Variants in ANO4 observed in about 807,000 individuals in gnomAD.
The protein encoded by ANO4 is anoctamin 4.
A neutral mutation model predicts 141.9 loss-of-function variants in ANO4; 69 were observed. The ratio of observed to expected loss-of-function variants is 0.49; its 90% CI spans 0.40 to 0.59. The LOEUF (loss-of-function observed/expected upper bound fraction) is 0.59, where lower values mean the gene tolerates loss of function less well. ANO4 is among the 20% of genes least tolerant of loss of function. The pLI, the probability that ANO4 is intolerant of heterozygous loss-of-function variation, is 0.00. For synonymous variants in ANO4, 350 were observed against 394.3 expected, an observed-to-expected ratio of 0.89 and a Z score of 1.33; for missense variants, 894 against 1,162.2, an observed-to-expected ratio of 0.77 and a Z score of 3.36.
chr12:101,014,622 C>T (rs1260753497), intron 8 of ANO4, among the ~76,000 whole-genome samples: 2 of 152,168 alleles, frequency 1.3e-5, no homozygotes, highest in Admixed American at 6.5e-5. Context: ...CTGAATTCCT[C>T]CTTGCCACTT....
intron 14 of ANO4, among the ~76,000 whole-genome samples, chr12:101,049,549 G>A (rs1396305904): frequency 6.6e-6 from 1 of 150,512 alleles, no homozygotes; most frequent in Non-Finnish European, 1.5e-5. Context: ...GTGGGTCAAT[G>A]GATAGATAGG....
intron 24 of ANO4, among the ~76,000 whole-genome samples, chr12:101,113,415 C>A (rs1349959551): frequency 6.6e-6 from 1 of 152,112 alleles, no homozygotes; most frequent in East Asian, 1.9e-4. Context: ...TATCTCATAG[C>A]CTCCTTGTAT....
At chr12:100,872,788 T>G (rs967775659) in intron 1 of ANO4, among the ~76,000 whole-genome samples, 8 of 152,196 alleles carry the variant, frequency 5.3e-5, no homozygotes, top group Non-Finnish European at 8.8e-5. Context: ...TAATCCAATG[T>G]TTTCCTGAGG....
At chr12:100,890,548 T>A (rs373706770) in intron 1 of ANO4, among the ~76,000 whole-genome samples, 1 of 152,218 alleles carries the variant, frequency 6.6e-6, no homozygotes, top group Non-Finnish European at 1.5e-5. Context: ...TCAAATGATC[T>A]GATTGCGAAT....
At position 101,068,534 on chromosome 12, in the gene ANO4, C is replaced by T. The variant is rs1337830110; in HGVS notation, c.1313-10659C>T. The T allele has an allele frequency of 3.4e-6, 4 of 1,193,926 alleles. No homozygotes were observed. The African/African-American group carries it at 6.0e-5, about 18-fold the overall frequency. The allele number at this position is 1,193,926 out of a possible 1,614,324, so 74.0% of individuals were successfully genotyped here. ...TATTTTCCTGGAATATGATCAGGATCTAAGTGTTAGGTGGAAAAATACTAA... is the reference window on the plus strand; with the variant it reads ...TATTTTCCTGGAATATGATCAGGATTTAAGTGTTAGGTGGAAAAATACTAA... On this transcript the variant is annotated intron_variant, in intron 14 of 27. Transcript: ENST00000392977.
chr12:100,935,233 A>G (rs918094302), intron 3 of ANO4, among the ~76,000 whole-genome samples: 2 of 152,174 alleles, frequency 1.3e-5, no homozygotes, highest in Non-Finnish European at 2.9e-5. Context: ...TGGGTTTGTC[A>G]TAAATAGCTC....
At chr12:100,909,547 A>C (rs2041007422) in intron 2 of ANO4, among the ~76,000 whole-genome samples, 1 of 152,212 alleles carries the variant, frequency 6.6e-6, no homozygotes, top group Non-Finnish European at 1.5e-5. Context: ...AAACTGTATT[A>C]AGGGCTGGAA....
chr12:100,927,604 A>T (rs952122363), intron 3 of ANO4, among the ~76,000 whole-genome samples: 2 of 152,138 alleles, frequency 1.3e-5, no homozygotes, highest in African/African-American at 4.8e-5. Flanking sequence ...GTGTGTATGT[A>T]TGTGAGCATT....
At chr12:100,911,751 G>A (rs1362852378) in intron 2 of ANO4, among the ~76,000 whole-genome samples, 1 of 152,164 alleles carries the variant, frequency 6.6e-6, no homozygotes, top group Non-Finnish European at 1.5e-5. Flanking sequence ...AGGGAGAGGA[G>A]AGGATTATTA....
At chr12:100,718,598 A>T (rs2030719430) in intron 1 of ANO4, among the ~76,000 whole-genome samples, 1 of 152,126 alleles carries the variant, frequency 6.6e-6, no homozygotes, top group Non-Finnish European at 1.5e-5. Flanking sequence ...CTTTCTCTGG[A>T]TTTAAATTGT....
chr12:101,010,531 A>G (rs573633452), intron 8 of ANO4, among the ~76,000 whole-genome samples: 18 of 152,308 alleles, frequency 1.2e-4, no homozygotes, highest in Admixed American at 3.3e-4. Flanking sequence ...ACTCAAGATT[A>G]GAAGTTAGAT....
intron 18 of ANO4, 50 bp downstream of exon 18, chr12:101,094,342 T>C (rs2049894863): frequency 6.8e-7 from 1 of 1,466,068 alleles, no homozygotes; most frequent in Non-Finnish European, 9.4e-7. Context: ...GGCTAGAGAG[T>C]ATGGTTCAAA....
intron 17 of ANO4, 40 bp downstream of exon 17, chr12:101,086,864 T>A (rs1284728529): frequency 6.3e-7 from 1 of 1,599,994 alleles, no homozygotes; most frequent in East Asian, 2.2e-5. Context: ...GATCAAAATG[T>A]GTGGGCTGCA....
intron 13 of ANO4, 25 bp from the exon 14 acceptor site, chr12:101,048,316 C>G (rs1379001765): frequency 6.2e-7 from 1 of 1,609,678 alleles, no homozygotes; most frequent in African/African-American, 1.3e-5. Context: ...GAAATTAACT[C>G]AGCACCGATT....
intron 9 of ANO4, among the ~76,000 whole-genome samples, chr12:101,025,737 A>G (rs2046707786): frequency 6.6e-6 from 1 of 152,252 alleles, no homozygotes; most frequent in African/African-American, 2.4e-5. Context: ...ATCATGACCA[A>G]GTAGAATTTA....
At chr12:100,852,696 T>G (rs752544060) in intron 1 of ANO4, among the ~76,000 whole-genome samples, 7 of 152,150 alleles carry the variant, frequency 4.6e-5, no homozygotes, top group African/African-American at 7.2e-5. Context: ...ACCTTCTTAC[T>G]AAGGAAGATG....
At chr12:100,911,265 C>T (rs1355596713) in intron 2 of ANO4, among the ~76,000 whole-genome samples, 1 of 152,106 alleles carries the variant, frequency 6.6e-6, no homozygotes, top group African/African-American at 2.4e-5. Flanking sequence ...GGTTATACAG[C>T]CAGTAAATGG....
intron 1 of ANO4, among the ~76,000 whole-genome samples, chr12:100,843,285 G>A (rs1417353226): frequency 6.6e-6 from 1 of 152,134 alleles, no homozygotes; most frequent in Non-Finnish European, 1.5e-5. Context: ...TCATGATTCT[G>A]AGATAAGAAA....
At chr12:101,115,013 T>G (rs2050798866) in intron 24 of ANO4, among the ~76,000 whole-genome samples, 1 of 152,202 alleles carries the variant, frequency 6.6e-6, no homozygotes, top group Admixed American at 6.5e-5. Context: ...AGAACCCATG[T>G]GTTCTCAGAA....
Sources: allele counts gnomAD v4.1 joint callset (sites outside exome capture counted in the v4.1 genomes callset), GRCh38; gene constraint gnomAD v4.1.1; transcripts MANE v1.5; gene names NCBI Gene and HGNC (gene_info 2026-07-23, HGNC 2026-07-21).